Variants in KIAA1210 observed in about 807,000 individuals in gnomAD.
KIAA1210 encodes the protein KIAA1210, also known as acrosomal protein KIAA1210.
In KIAA1210, 48 loss-of-function variants were observed where a neutral mutation model predicts 78.9. That is an observed-to-expected ratio of 0.61 (90% CI 0.48 to 0.77). The LOEUF (loss-of-function observed/expected upper bound fraction) is 0.77. Ranked by LOEUF, KIAA1210 falls within the 30% of genes least tolerant of loss-of-function variation. The pLI, the probability that KIAA1210 is intolerant of heterozygous loss-of-function variation, is 0.00. For missense variants in KIAA1210, 1,108 were observed against 1,100.0 expected, an observed-to-expected ratio of 1.01 and a Z score of -0.10; for synonymous variants, 406 against 404.5, an observed-to-expected ratio of 1.00 and a Z score of -0.04.
chrX:119,144,319 A>C (rs1053024590), intron 2 of KIAA1210, among the ~76,000 whole-genome samples: 7 of 112,316 alleles, frequency 6.2e-5, no homozygotes, highest in Non-Finnish European at 1.1e-4. Context: ...CAATTCAGAC[A>C]CTTACATTCC....
At chrX:119,097,561 A>T (rs1927594591) in intron 6 of KIAA1210, among the ~76,000 whole-genome samples, 1 of 112,185 alleles carries the variant, frequency 8.9e-6, no homozygotes, top group South Asian at 3.7e-4. Context: ...AAGTAGACAG[A>T]ATCTCCCATT....
intron 1 of KIAA1210, among the ~76,000 whole-genome samples, chrX:119,127,363 T>C (rs1017737338): frequency 9.2e-6 from 1 of 109,287 alleles, no homozygotes; most frequent in African/African-American, 3.3e-5. Context: ...AAGAGAAAAA[T>C]ATGAAAGATG....
intron 6 of KIAA1210, among the ~76,000 whole-genome samples, chrX:119,098,604 CAAAAAAAAAAA>C (rs747325732): frequency 2.5e-5 from 1 of 39,834 alleles, no homozygotes; most frequent in South Asian, 1.7e-3. Flanking sequence ...GAGACTCCGT[CAAAAAAAAAAA>C]AAAAAAAAAA....
exon 1 of KIAA1210, chrX:119,150,418 G>A (rs1402783254): frequency 3.3e-6 from 4 of 1,211,618 alleles, no homozygotes; most frequent in Non-Finnish European, 4.5e-6. Flanking sequence ...TCTTGCCTTT[G>A]TAAGTCAACC....
Position 119,087,217 on chromosome X carries a change from T to C in KIAA1210, c.3485A>G (p.Asp1162Gly), listed in dbSNP as rs756559150. ...LPPKHSSQASDRSKFQPQMSS... is the reference protein window; with the variant it reads ...LPPKHSSQASGRSKFQPQMSS... ...CATCTGTGGCTGGAATTTAGACCTA[T>C]CTGAGGCTTGGGAAGAATGTTTGGG... Residue 1162 changes from aspartate (D) to glycine (G), a missense_variant, in exon 9 of 12, where the codon GAT becomes GGT. Around this residue, in one of 5 missense-constraint regions of KIAA1210, gnomAD observed 245 missense variants for 278.8 expected, o/e 0.88. Transcript: ENST00000691062. The C allele has an allele frequency of 8.3e-7, 1 of 1,211,438 alleles. No individual in the cohort carries two copies. Among genetic ancestry groups the C allele is most frequent in the South Asian group, 1.8e-5 (1 of 56,942 alleles).
chrX:119,092,918 G>A (rs1435703757), intron 8 of KIAA1210, among the ~76,000 whole-genome samples: 1 of 110,509 alleles, frequency 9.0e-6, no homozygotes, highest in Admixed American at 9.7e-5. Flanking sequence ...GGAATGTCCT[G>A]TCTTTGGACC....
Position 119,117,368 on chromosome X carries a change from AGT to A in KIAA1210, c.62-706_62-705del, listed in dbSNP as rs140314969. On this transcript the variant is annotated intron_variant, in intron 2 of 11. Coordinates refer to ENST00000691062, the MANE Select transcript of KIAA1210 (RefSeq NM_001394962.1). Reference sequence around the variant, plus strand: ...TCAGATACCAAAGAGTTTTTCAAGGAGTGTGTGTGTGTGTGTGTGTGTGATGA... The same window carrying A: ...TCAGATACCAAAGAGTTTTTCAAGGAGTGTGTGTGTGTGTGTGTGTGATGA... 3.5e-3 allele frequency among the ~76,000 whole-genome samples: 364 copies of A among 103,720 alleles called. 1 individual carries two copies. Among genetic ancestry groups the A allele is most frequent in the African/African-American group, 0.011 (313 of 28,047 alleles). The allele number at this position is 103,720 out of a possible 115,157, so 90.1% of individuals were successfully genotyped here.
upstream of KIAA1210, among the ~76,000 whole-genome samples, chrX:119,150,917 C>A (rs891005264): frequency 8.9e-6 from 1 of 112,411 alleles, no homozygotes; most frequent in Non-Finnish European, 1.9e-5. Context: ...GGGAGTAGGT[C>A]GGCTGCGCCC....
intron 2 of KIAA1210, among the ~76,000 whole-genome samples, chrX:119,142,612 T>G (rs1929072993): frequency 9.2e-6 from 1 of 108,914 alleles, no homozygotes; most frequent in South Asian, 4.1e-4. Context: ...ACCCCATCTC[T>G]ACTAAAAATA....
intron 3 of KIAA1210, among the ~76,000 whole-genome samples, chrX:119,110,364 G>A (rs1314239340): frequency 1.8e-5 from 2 of 111,811 alleles, no homozygotes; most frequent in Non-Finnish European, 3.8e-5. Context: ...GACAAACCAC[G>A]GCTAACATCA....
At chrX:119,094,110 C>A (rs1927479580) in intron 7 of KIAA1210, 1 of 1,089,728 alleles carries the variant, frequency 9.2e-7, no homozygotes, top group East Asian at 3.0e-5. Flanking sequence ...AAAACGGGGT[C>A]ATTGGGCCTG....
At position 119,086,749 on chromosome X, in the gene KIAA1210, T is replaced by C; in HGVS notation, c.3953A>G (p.Gln1318Arg). Residue 1318 changes from glutamine to arginine, a missense_variant, in exon 9 of 12, where the codon CAA becomes CGA. This residue lies in a region of KIAA1210 where 245 missense variants were observed against 278.8 expected (regional missense o/e 0.88). Coordinates refer to ENST00000691062, the MANE Select transcript of KIAA1210 (RefSeq NM_001394962.1). Reference protein sequence around the residue: ...PPSQKYKSEKQDNFTQLASVP... With the variant: ...PPSQKYKSEKRDNFTQLASVP... Reference sequence around the variant, plus strand: ...TGAAGCAAGCTGGGTGAAGTTATCTTGTTTCTCACTCTTATACTTCTGCGA... The same window carrying C: ...TGAAGCAAGCTGGGTGAAGTTATCTCGTTTCTCACTCTTATACTTCTGCGA... The C allele has an allele frequency of 1.7e-6, 2 of 1,211,264 alleles. No homozygotes were observed. Among genetic ancestry groups the C allele is most frequent in the South Asian group, 3.5e-5 (2 of 56,817 alleles).
chrX:119,141,209 G>A (rs939887805), intron 2 of KIAA1210, among the ~76,000 whole-genome samples: 1 of 111,869 alleles, frequency 8.9e-6, no homozygotes, highest in African/African-American at 3.2e-5. Flanking sequence ...CTTATGGAAA[G>A]GGAAGATCTA....
At chrX:119,149,615 C>G (rs1929245659) in intron 1 of KIAA1210, among the ~76,000 whole-genome samples, 1 of 111,885 alleles carries the variant, frequency 8.9e-6, no homozygotes, top group South Asian at 3.8e-4. Context: ...AACCATATGA[C>G]TAAATCTATT....
rs1163974116 is a variant in KIAA1210 at position 119,125,735 on chromosome X, AT to A, written c.-11+1991del. Among the ~76,000 whole-genome samples the A allele has an allele frequency of 2.5e-3, 40 of 15,790 alleles. 2 individuals carry two copies. The highest frequency in any genetic ancestry group is 9.3e-3 in the South Asian group (1 of 108). The allele number at this position is 15,790 out of a possible 115,157, so 13.7% of individuals were successfully genotyped here. On this transcript the variant is annotated intron_variant, in intron 1 of 11. Transcript: ENST00000691062. ...AATACATATATATATATATATATAT[AT>A]TTTTTTTTTTTTTTTTTTGGAGAGA...
At chrX:119,124,820 T>C (rs1461783739) in intron 1 of KIAA1210, among the ~76,000 whole-genome samples, 4 of 109,351 alleles carry the variant, frequency 3.7e-5, no homozygotes, top group Non-Finnish European at 5.7e-5. Context: ...ACCCAGGAGA[T>C]TGAGGCCGTA....
chrX:119,105,980 C>A (rs1293236284), intron 5 of KIAA1210, among the ~76,000 whole-genome samples: 1 of 111,761 alleles, frequency 8.9e-6, no homozygotes, highest in African/African-American at 3.3e-5. Flanking sequence ...AAAACAAATT[C>A]TTGTGGTCAT....
chrX:119,117,784 AAACTAGAGTTGAGTTCTAG>A (rs1252382640), intron 2 of KIAA1210, among the ~76,000 whole-genome samples: 215 of 110,097 alleles, frequency 2.0e-3, no homozygotes, highest in Non-Finnish European at 3.0e-3. Context: ...GACGCTCTAG[AAACTAGAGTTGAGTTCTAG>A]AACTAGAGTT....
intron 10 of KIAA1210, 79 bp downstream of exon 10, chrX:119,085,304 G>T: frequency 2.1e-6 from 2 of 969,498 alleles, no homozygotes; most frequent in South Asian, 2.3e-5. Flanking sequence ...GCTGCATGTT[G>T]GCAAAGTTCC....
Sources: gnomAD v4.1 joint callset for allele counts (sites outside exome capture counted in the v4.1 genomes callset) on GRCh38, gnomAD v4.1.1 for gene constraint, gnomAD v4.1.1 regional missense constraint, MANE v1.5 for transcripts, NCBI Gene and HGNC (gene_info 2026-07-23, HGNC 2026-07-21) for gene names.